DGKB: variants seen among roughly 807,000 people sequenced by gnomAD.
DGKB encodes the protein diacylglycerol kinase beta.
Under a neutral mutation model 114.3 loss-of-function variants are expected in DGKB, and 67 were observed. The observed-to-expected ratio is 0.59, with a 90% CI of 0.48 to 0.72. DGKB has a LOEUF of 0.72. Among genes scored for constraint, DGKB ranks in the 30% least tolerant of loss-of-function variants. The pLI is 0.00. For missense variants in DGKB, 907 were observed against 975.2 expected (o/e 0.93, Z 0.93); for synonymous variants, 398 against 323.1 (o/e 1.23, Z -2.49).
rs910167172 is a variant in DGKB, at chr7:14,483,556, G to C, written c.1771-5331C>G. ...CAGACATGAATCTTTGGGGGCCAGAGGACAGTTAGCAGTGGGATGACTGTG... is the reference window on the plus strand; with the variant it reads ...CAGACATGAATCTTTGGGGGCCAGACGACAGTTAGCAGTGGGATGACTGTG... On this transcript the variant is annotated intron_variant, in intron 20 of 25. Coordinates refer to ENST00000402815, the MANE Select transcript of DGKB (RefSeq NM_001350709.2). Among the ~76,000 whole-genome samples the C allele has an allele frequency of 2.0e-5, 3 of 152,088 alleles. No individual in the cohort carries two copies. The East Asian group carries it at 5.8e-4, about 29-fold the overall frequency.
chr7:14,332,285 A>C (rs1228802889), intron 23 of DGKB, among the ~76,000 whole-genome samples: 1 of 152,228 alleles, frequency 6.6e-6, no homozygotes, highest in African/African-American at 2.4e-5. Context: ...GTACAAGGAC[A>C]TGAAGTTACT....
intron 13 of DGKB, among the ~76,000 whole-genome samples, chr7:14,636,515 T>C (rs1047158021): frequency 1.3e-5 from 2 of 151,826 alleles, no homozygotes; most frequent in African/African-American, 2.4e-5. Flanking sequence ...AATAGAAACT[T>C]TGCTATGTAA....
intron 6 of DGKB, among the ~76,000 whole-genome samples, chr7:14,717,303 TG>T (rs1828362782): frequency 6.6e-6 from 1 of 152,142 alleles, no homozygotes; most frequent in African/African-American, 2.4e-5. Flanking sequence ...AAAAAATGTT[TG>T]TCTTTATATG....
chr7:14,669,660 A>T (rs977994624), intron 13 of DGKB, among the ~76,000 whole-genome samples: 1 of 152,168 alleles, frequency 6.6e-6, no homozygotes, highest in Admixed American at 6.6e-5. Context: ...TAATGTTTTG[A>T]TATTGTTAAA....
chr7:14,682,938 C>T, intron 10 of DGKB, 97 bp from the exon 11 acceptor site: 2 of 793,094 alleles, frequency 2.5e-6, no homozygotes, highest in South Asian at 1.6e-5. Context: ...ATTTCATATC[C>T]ACTGCTCCCT....
At position 14,701,697 on chromosome 7, in the gene DGKB, C is replaced by A; in HGVS notation, c.500G>T (p.Gly167Val). 4 of 1,611,970 alleles carry A rather than the reference C, an allele frequency of 2.5e-6. No individual in the cohort carries two copies. Among genetic ancestry groups the A allele is most frequent in the Non-Finnish European group, 2.5e-6 (3 of 1,178,268 alleles). ...MFRLYDTDGN[G>V]FLDSSELENI... ...AAAAATTACCGAGCTGTCCAGGAAG[C>A]CATTCCCATCCGTGTCATAAAGGCG... is the stretch of plus-strand genomic sequence containing the variant. The change falls in exon 7 of 26, where the codon GGC (glycine) becomes GTC (valine). Residue 167 changes from glycine (G) to valine (V), a missense_variant. Gly to Val is a moderately radical substitution (Grantham distance 109). This residue lies in a region of DGKB where 814 missense variants were observed against 856.6 expected (regional missense o/e 0.95). Coordinates refer to ENST00000402815, the MANE Select transcript of DGKB (RefSeq NM_001350709.2).
chr7:14,852,496 A>AAAAAAAAAAAAAAAAAAAAAAAAAAAT (rs74765279), intron 1 of DGKB, among the ~76,000 whole-genome samples: 1 of 149,104 alleles, frequency 6.7e-6, no homozygotes, highest in Admixed American at 6.7e-5. Flanking sequence ...TCAAAAAAAA[A>AAAAAAAAAAAAAAAAAAAAAAAAAAAT]ACAGAAATCA....
chr7:14,176,295 T>A, intron 25 of DGKB: 6 of 934,672 alleles, frequency 6.4e-6, no homozygotes, highest in Non-Finnish European at 6.2e-6. Flanking sequence ...AAATGAAAAC[T>A]GATTTTTTTT....
At chr7:14,911,714 A>G (rs1220767675) in intron 1 of DGKB, among the ~76,000 whole-genome samples, 1 of 152,190 alleles carries the variant, frequency 6.6e-6, no homozygotes, top group Non-Finnish European at 1.5e-5. Flanking sequence ...TACCTTAGCT[A>G]TAGGAAAAGC....
At chr7:14,771,866 G>A (rs556431311) in intron 2 of DGKB, among the ~76,000 whole-genome samples, 1 of 152,082 alleles carries the variant, frequency 6.6e-6, no homozygotes, top group East Asian at 1.9e-4. Context: ...GGTCTGATAA[G>A]AAACATTTTA....
At chr7:14,182,933 T>C (rs961768844) in intron 23 of DGKB, among the ~76,000 whole-genome samples, 5 of 152,024 alleles carry the variant, frequency 3.3e-5, no homozygotes, top group African/African-American at 4.8e-5. Context: ...TGGAGCAGAG[T>C]AGTATAAACC....
At chr7:14,241,416 A>C (rs1188328223) in intron 23 of DGKB, among the ~76,000 whole-genome samples, 1 of 151,948 alleles carries the variant, frequency 6.6e-6, no homozygotes, top group Non-Finnish European at 1.5e-5. Context: ...ACTATAATTA[A>C]ATATATAAAT....
chr7:14,754,346 T>C (rs138199398), intron 3 of DGKB, among the ~76,000 whole-genome samples: 1 of 152,148 alleles, frequency 6.6e-6, no homozygotes, highest in African/African-American at 2.4e-5. Context: ...ACATACAGTG[T>C]GATTAAAATA....
chr7:14,729,335 G>A (rs1049376277), intron 5 of DGKB, among the ~76,000 whole-genome samples: 17 of 151,818 alleles, frequency 1.1e-4, no homozygotes, highest in East Asian at 3.9e-4. Context: ...TGTTAGCCAG[G>A]ATGGTCTCGA....
rs78630909 is a variant in DGKB, at chr7:14,718,689, GA to G, written c.323-5del. 280 of 1,583,778 alleles carry G rather than the reference GA, an allele frequency of 1.8e-4. 1 individual carries two copies. The Middle Eastern group carries it at 2.7e-3, about 15-fold the overall frequency. On this transcript the variant is annotated splice_region_variant and splice_polypyrimidine_tract_variant and intron_variant, in intron 5 of 25. Transcript: ENST00000402815. ...GCACCTTTATTCATTCTCAGACCTG[GA>G]AAAAAAATTGTCTTTATATTTTGTT... is the stretch of plus-strand genomic sequence containing the variant.
chr7:14,204,006 T>C (rs10486049), intron 23 of DGKB, among the ~76,000 whole-genome samples: 7,921 of 152,042 alleles, frequency 0.052, 359 homozygotes, highest in East Asian at 0.27. Flanking sequence ...GGATATTTCT[T>C]CCTTTATTAT....
intron 6 of DGKB, among the ~76,000 whole-genome samples, chr7:14,704,730 G>T (rs935324032): frequency 6.6e-6 from 1 of 152,078 alleles, no homozygotes; most frequent in African/African-American, 2.4e-5. Context: ...ACACGGCAGG[G>T]TATTCCAATA....
chr7:14,523,333 G>A (rs955627236), intron 20 of DGKB, among the ~76,000 whole-genome samples: 1 of 152,246 alleles, frequency 6.6e-6, no homozygotes, highest in Admixed American at 6.5e-5. Flanking sequence ...GTTCATGAAA[G>A]CTGTTTCAAA....
At chr7:14,962,636 T>TTGTGTGTGTGTGTGTGTG (rs71004348) in intron 1 of DGKB, among the ~76,000 whole-genome samples, 4 of 141,940 alleles carry the variant, frequency 2.8e-5, no homozygotes, top group African/African-American at 1.0e-4. Flanking sequence ...GTGTGTGTGT[T>TTGTGTGTGTGTGTGTGTG]TGTGTGTGTG....
Sources: allele counts gnomAD v4.1 joint callset (sites outside exome capture counted in the v4.1 genomes callset), GRCh38; gene constraint gnomAD v4.1.1; regional missense constraint gnomAD v4.1.1; transcripts MANE v1.5; gene names NCBI Gene and HGNC (gene_info 2026-07-23, HGNC 2026-07-21).